Variants in ZBTB20 observed in about 807,000 individuals in gnomAD.
ZBTB20 encodes the protein zinc finger and BTB domain-containing protein 20.
A neutral mutation model predicts 56.9 loss-of-function variants in ZBTB20; 9 were observed. The ratio of observed to expected loss-of-function variants is 0.16; its 90% confidence interval spans 0.10 to 0.28. The LOEUF is 0.28. Among genes scored for constraint, ZBTB20 ranks in the 10% least tolerant of loss-of-function variants. The pLI is 1.00. For missense variants in ZBTB20, 655 were observed against 1,003.0 expected, an observed-to-expected ratio of 0.65 and a Z score of 4.69; for synonymous variants, 417 against 420.7, an observed-to-expected ratio of 0.99 and a Z score of 0.11.
chr3:114,734,185 A>C (rs1560184698), intron 5 of ZBTB20, among the ~76,000 whole-genome samples: 4 of 151,662 alleles, frequency 2.6e-5, no homozygotes, highest in African/African-American at 4.8e-5. Context: ...AAATAAAAAA[A>C]TAAATACATA....
intron 5 of ZBTB20, chr3:114,710,369 ATCCT>A (rs1424829932): frequency 6.6e-6 from 1 of 152,122 alleles, no homozygotes; most frequent in Non-Finnish European, 1.5e-5. Context: ...TCCAGTCCTA[ATCCT>A]TCCTCTGAAC....
At chr3:115,098,744 G>C (rs942928582) in intron 1 of ZBTB20, among the ~76,000 whole-genome samples, 1 of 152,154 alleles carries the variant, frequency 6.6e-6, no homozygotes, top group African/African-American at 2.4e-5. Context: ...TGAACCTTGA[G>C]AATGTGTTTG....
rs1398745132 is a variant in ZBTB20 at position 114,322,066 on chromosome 3, T to C, written c.*16939A>G. The stretch of plus-strand genomic sequence containing the variant: ...GTGGCTTTTTCAACACTTGAATTCA[T>C]TGGCCAGTTGTCTGACTCTCCCACC... On this transcript the variant is annotated 3_prime_UTR_variant, in exon 12 of 12. Transcript: ENST00000675478. 1 of 152,276 alleles carries C rather than the reference T, an allele frequency of 6.6e-6. No homozygotes were observed. Among genetic ancestry groups the C allele is most frequent in the African/African-American group, 2.4e-5 (1 of 41,462 alleles). 9.4% of individuals were successfully genotyped at this position (152,276 alleles called of 1,614,324 possible). A position where few individuals can be genotyped will look rare whatever the true frequency, so the allele number is the denominator to read the frequency against.
chr3:114,669,083 C>T (rs2061218009), intron 6 of ZBTB20, among the ~76,000 whole-genome samples: 1 of 152,108 alleles, frequency 6.6e-6, no homozygotes, highest in Non-Finnish European at 1.5e-5. Context: ...CCACCCCCTT[C>T]CCCACCAGGG....
At chr3:115,005,028 G>A (rs2079406841) in intron 2 of ZBTB20, among the ~76,000 whole-genome samples, 1 of 151,340 alleles carries the variant, frequency 6.6e-6, no homozygotes. Flanking sequence ...TGTGTGTGTG[G>A]GCCTGTTTAT....
At chr3:115,014,661 C>T (rs1262870070) in intron 2 of ZBTB20, among the ~76,000 whole-genome samples, 1 of 151,530 alleles carries the variant, frequency 6.6e-6, no homozygotes. Context: ...GGAGATGTAG[C>T]GATGAACCAA....
At chr3:114,503,055 A>G (rs1260772810) in intron 6 of ZBTB20, among the ~76,000 whole-genome samples, 1 of 152,184 alleles carries the variant, frequency 6.6e-6, no homozygotes, top group Non-Finnish European at 1.5e-5. Context: ...ATTTATTCAT[A>G]AAATTAGTTA....
chr3:114,493,832 G>A (rs563626694), intron 7 of ZBTB20, among the ~76,000 whole-genome samples: 8 of 152,136 alleles, frequency 5.3e-5, no homozygotes, highest in Non-Finnish European at 7.4e-5. Flanking sequence ...CTTAGTATCT[G>A]TCTTACATTC....
At chr3:114,453,888 A>G (rs1005307833) in intron 7 of ZBTB20, among the ~76,000 whole-genome samples, 1 of 151,820 alleles carries the variant, frequency 6.6e-6, no homozygotes, top group Admixed American at 6.6e-5. Context: ...AACTAATAAA[A>G]ATAGAAAAAC....
intron 9 of ZBTB20, 116 bp from the exon 10 acceptor site, chr3:114,380,520 T>A: frequency 3.3e-6 from 4 of 1,224,314 alleles, no homozygotes; most frequent in Middle Eastern, 2.3e-4. Context: ...TGGGAGGGAG[T>A]CCAGTATGTC....
At chr3:114,892,386 A>G (rs1440577135) in intron 4 of ZBTB20, among the ~76,000 whole-genome samples, 3 of 152,238 alleles carry the variant, frequency 2.0e-5, no homozygotes, top group Non-Finnish European at 2.9e-5. Context: ...CCAGTTGTCT[A>G]ATGATAAGAG....
intron 7 of ZBTB20, among the ~76,000 whole-genome samples, chr3:114,397,116 C>G (rs1469993782): frequency 1.3e-5 from 2 of 152,158 alleles, no homozygotes; most frequent in African/African-American, 4.8e-5. Flanking sequence ...CCTTTTCTAA[C>G]TTTCTATGTG....
At chr3:114,386,656 T>C (rs1171843278) in intron 8 of ZBTB20, among the ~76,000 whole-genome samples, 2 of 152,130 alleles carry the variant, frequency 1.3e-5, no homozygotes, top group African/African-American at 4.8e-5. Context: ...ATGTCTCCTT[T>C]TGGCCAAATT....
intron 2 of ZBTB20, among the ~76,000 whole-genome samples, chr3:115,068,220 T>A (rs966282069): frequency 8.6e-5 from 13 of 152,004 alleles, no homozygotes; most frequent in African/African-American, 2.7e-4. Context: ...GTATGTATTG[T>A]ATAGTATATA....
chr3:114,483,898 G>C lies in ZBTB20; in HGVS notation c.-255+16454C>G, dbSNP rs80326711. Among the ~76,000 whole-genome samples, 872 of 151,570 alleles carry C rather than the reference G, an allele frequency of 5.8e-3. 5 individuals are homozygous for C. Among genetic ancestry groups the C allele is most frequent in the Non-Finnish European group, 6.9e-3 (468 of 67,848 alleles). ...AAAATTGCAAGAGTAGTACTAAGAAGGTCCTTTGAACTAAGGTTCAAAGGA... is the reference window on the plus strand; with the variant it reads ...AAAATTGCAAGAGTAGTACTAAGAACGTCCTTTGAACTAAGGTTCAAAGGA... On this transcript the variant is annotated intron_variant, in intron 7 of 11. Coordinates refer to ENST00000675478, the MANE Select transcript of ZBTB20 (RefSeq NM_001348800.3).
Position 115,081,658 on chromosome 3 carries a change from C to G in ZBTB20, c.-702-10244G>C, listed in dbSNP as rs2082801216. Among the ~76,000 whole-genome samples, 3 of 152,142 alleles carry G rather than the reference C, an allele frequency of 2.0e-5. No individual in the cohort carries two copies. In the South Asian group the frequency reaches 6.2e-4, roughly 32 times the overall value. On this transcript the variant is annotated intron_variant, in intron 1 of 11. Coordinates refer to ENST00000675478, the MANE Select transcript of ZBTB20 (RefSeq NM_001348800.3). ...GTTGTGGAGAAGGACCCCTGGTGTC[C>G]AGCTGGATTTAAGCCAGTCTATAAT... is the stretch of plus-strand genomic sequence containing the variant.
chr3:114,346,533 A>C (rs2080198939), intron 11 of ZBTB20, among the ~76,000 whole-genome samples: 1 of 152,138 alleles, frequency 6.6e-6, no homozygotes, highest in Non-Finnish European at 1.5e-5. Flanking sequence ...ATCTAATTAC[A>C]GTACAATCGT....
chr3:114,832,787 C>G (rs1031808148), intron 4 of ZBTB20, among the ~76,000 whole-genome samples: 4 of 152,056 alleles, frequency 2.6e-5, no homozygotes, highest in African/African-American at 9.7e-5. Flanking sequence ...GTGAACATTC[C>G]TGTTAGTACA....
At chr3:114,802,022 A>G (rs1365223025) in intron 4 of ZBTB20, among the ~76,000 whole-genome samples, 7 of 151,938 alleles carry the variant, frequency 4.6e-5, no homozygotes, top group Non-Finnish European at 1.0e-4. Flanking sequence ...AACACCATCT[A>G]TAAATAATAG....
Sources: gnomAD v4.1 joint callset for allele counts (sites outside exome capture counted in the v4.1 genomes callset) on GRCh38, gnomAD v4.1.1 for gene constraint, MANE v1.5 for transcripts, NCBI Gene and HGNC (gene_info 2026-07-23, HGNC 2026-07-21) for gene names.